MACROD2: variants seen among roughly 807,000 people sequenced by gnomAD.
The protein encoded by MACROD2 is mono-ADP ribosylhydrolase 2, also known as ADP-ribose glycohydrolase MACROD2.
In MACROD2, 36 loss-of-function variants were observed where a neutral mutation model predicts 70.4. The ratio of observed to expected loss-of-function variants is 0.51; its 90% CI spans 0.39 to 0.68. The LOEUF (loss-of-function observed/expected upper bound fraction) is 0.68, where lower values mean the gene tolerates loss of function less well. Among genes scored for constraint, MACROD2 ranks in the 30% least tolerant of loss-of-function variants. The pLI is 0.00. For missense variants in MACROD2, 496 were observed against 538.4 expected (o/e 0.92, Z 0.78); for synonymous variants, 172 against 178.8 (o/e 0.96, Z 0.30).
At chr20:14,592,591 C>G (rs574871586) in intron 4 of MACROD2, among the ~76,000 whole-genome samples, 2 of 152,132 alleles carry the variant, frequency 1.3e-5, no homozygotes, top group East Asian at 3.9e-4. Context: ...GACTGGCTAA[C>G]TTTTTAAAAA....
chr20:14,190,054 G>C (rs2081372385), intron 3 of MACROD2, among the ~76,000 whole-genome samples: 1 of 152,132 alleles, frequency 6.6e-6, no homozygotes. Context: ...TTCCATAAGA[G>C]GTAGGCTCTT....
chr20:15,358,875 C>G (rs961601021), intron 6 of MACROD2, among the ~76,000 whole-genome samples: 8 of 151,910 alleles, frequency 5.3e-5, no homozygotes, highest in African/African-American at 1.7e-4. Flanking sequence ...TTAATCTAAC[C>G]CTAATTACCT....
rs1283843617 is a variant in MACROD2 at position 14,326,949 on chromosome 20, G to A, written c.272-166530G>A. 8 of 1,613,726 alleles carry A rather than the reference G, an allele frequency of 5.0e-6. No individual in the cohort carries two copies. Among genetic ancestry groups the A allele is most frequent in the Non-Finnish European group, 6.8e-6 (8 of 1,179,770 alleles). ...GAGATGGTGATGAAATAGTGGATAT[G>A]CGATTATCATCCAAGCGTAGTTCTT... On this transcript the variant is annotated intron_variant, in intron 3 of 17. Coordinates refer to ENST00000684519, the MANE Select transcript of MACROD2 (RefSeq NM_001351661.2). The surrounding 1 kb of genome is among the most constrained non-coding windows in gnomAD (Gnocchi z 5.5).
At chr20:15,693,053 T>C (rs2050318582) in intron 8 of MACROD2, among the ~76,000 whole-genome samples, 2 of 152,168 alleles carry the variant, frequency 1.3e-5, no homozygotes, top group Admixed American at 1.3e-4. Flanking sequence ...CCGCCATGAT[T>C]GTAAGTTTCC....
chr20:15,214,454 G>A (rs185151797), intron 5 of MACROD2, among the ~76,000 whole-genome samples: 3 of 152,250 alleles, frequency 2.0e-5, no homozygotes, highest in East Asian at 3.9e-4. Context: ...TTGGGAGGCC[G>A]AGATGGGAGG....
At chr20:15,337,857 A>C (rs900078441) in intron 6 of MACROD2, among the ~76,000 whole-genome samples, 5 of 151,764 alleles carry the variant, frequency 3.3e-5, no homozygotes, top group Non-Finnish European at 7.3e-5. Context: ...TTTGAAGGCC[A>C]TTAGGGCTGT....
In MACROD2 at chr20:15,134,339, TA is replaced by T. The variant is rs1479971784; in HGVS notation, c.419-95597del. Among the ~76,000 whole-genome samples, 8 of 151,512 alleles carry T rather than the reference TA, an allele frequency of 5.3e-5. 1 individual carries two copies. In the East Asian group the frequency reaches 1.6e-3, roughly 30 times the overall value. On this transcript the variant is annotated intron_variant, in intron 5 of 17. Coordinates refer to ENST00000684519, the MANE Select transcript of MACROD2 (RefSeq NM_001351661.2). Reference sequence around the variant, plus strand: ...GAGATAAAGCTCTCCTCAGCAAATGTAAAAGAACAGAAATTATAACAAACTG... The same window carrying T: ...GAGATAAAGCTCTCCTCAGCAAATGTAAAGAACAGAAATTATAACAAACTG...
intron 15 of MACROD2, among the ~76,000 whole-genome samples, chr20:16,013,578 A>G (rs967916650): frequency 6.6e-6 from 1 of 152,164 alleles, no homozygotes; most frequent in Non-Finnish European, 1.5e-5. Context: ...TGCACCCTGA[A>G]CCCTTGCCTG....
At chr20:14,670,190 C>A (rs1251345001) in intron 4 of MACROD2, among the ~76,000 whole-genome samples, 1 of 152,078 alleles carries the variant, frequency 6.6e-6, no homozygotes, top group Admixed American at 6.6e-5. Context: ...GCCTGAAAAT[C>A]CCTGTCATCT....
At chr20:15,575,083 G>A (rs1238219964) in intron 8 of MACROD2, among the ~76,000 whole-genome samples, 1 of 152,162 alleles carries the variant, frequency 6.6e-6, no homozygotes, top group Non-Finnish European at 1.5e-5. Flanking sequence ...AAGAAAGGTA[G>A]CCATTCTCTC....
intron 12 of MACROD2, among the ~76,000 whole-genome samples, chr20:15,958,867 G>A (rs974526236): frequency 1.3e-5 from 2 of 152,196 alleles, no homozygotes; most frequent in East Asian, 1.9e-4. Flanking sequence ...AACGTGACCA[G>A]AAGGCGGCCA....
chr20:15,048,226 A>G (rs2123044700), intron 5 of MACROD2, among the ~76,000 whole-genome samples: 1 of 152,294 alleles, frequency 6.6e-6, no homozygotes, highest in Non-Finnish European at 1.5e-5. Context: ...TAGTGAGCCA[A>G]GATCAGATTG....
intron 5 of MACROD2, among the ~76,000 whole-genome samples, chr20:14,976,344 G>A (rs2074739468): frequency 6.6e-6 from 1 of 152,112 alleles, no homozygotes; most frequent in African/African-American, 2.4e-5. Context: ...GGCTTCTGGT[G>A]GCTGCCTCTA....
At position 15,915,409 on chromosome 20, in the gene MACROD2, G is replaced by T. The variant is rs1475165708; in HGVS notation, c.776-17867G>T. On this transcript the variant is annotated intron_variant, in intron 10 of 17. Coordinates refer to ENST00000684519, the MANE Select transcript of MACROD2 (RefSeq NM_001351661.2). ...ATTACAAGAGTTTTAGAAGCTCTGT[G>T]CCAGGTACTAGGATGAAGACTAAAT... 3.3e-5 allele frequency among the ~76,000 whole-genome samples: 5 copies of T among 152,080 alleles called. No homozygotes were observed. In the South Asian group the frequency reaches 1.0e-3, roughly 32 times the overall value.
chr20:14,971,708 A>G lies in MACROD2; in HGVS notation c.419-258232A>G, dbSNP rs1288574530. 2.0e-5 allele frequency among the ~76,000 whole-genome samples: 3 copies of G among 152,136 alleles called. No individual in the cohort carries two copies. In the East Asian group the frequency reaches 5.8e-4, roughly 29 times the overall value. ...TGGACATCCAAGATGGTATTTTCAC[A>G]TAGGGCCCAAAGATTGGTTGGATCA... On this transcript the variant is annotated intron_variant, in intron 5 of 17. Transcript: ENST00000684519.
At chr20:15,316,027 C>T (rs2077806378) in intron 6 of MACROD2, among the ~76,000 whole-genome samples, 1 of 150,124 alleles carries the variant, frequency 6.7e-6, no homozygotes, top group East Asian at 2.0e-4. Flanking sequence ...AATTATAATT[C>T]CCACAGTAAC....
At chr20:15,486,311 C>G (rs1266833023) in intron 7 of MACROD2, among the ~76,000 whole-genome samples, 1 of 152,160 alleles carries the variant, frequency 6.6e-6, no homozygotes. Flanking sequence ...ACCTGGTTTT[C>G]CAGGCCTACT....
chr20:14,500,613 G>T (rs1279123208), intron 4 of MACROD2, among the ~76,000 whole-genome samples: 1 of 152,184 alleles, frequency 6.6e-6, no homozygotes, highest in Non-Finnish European at 1.5e-5. Context: ...CATCTGCCTT[G>T]AACTCTTCTA....
chr20:14,381,518 T>A (rs2083420094), intron 3 of MACROD2, among the ~76,000 whole-genome samples: 1 of 152,190 alleles, frequency 6.6e-6, no homozygotes, highest in Non-Finnish European at 1.5e-5. Context: ...AAAGAATAGT[T>A]GTGGTCAGGT....
Sources: allele counts gnomAD v4.1 joint callset (sites outside exome capture counted in the v4.1 genomes callset), GRCh38; gene constraint gnomAD v4.1.1; non-coding constraint Gnocchi (gnomAD v3.1); transcripts MANE v1.5; gene names NCBI Gene and HGNC (gene_info 2026-07-23, HGNC 2026-07-21).